CPED1: variants seen among roughly 807,000 people sequenced by gnomAD.
CPED1 encodes cadherin like and PC-esterase domain containing 1, also known as cadherin-like and PC-esterase domain-containing protein 1.
CPED1 carries 114 observed loss-of-function variants against 128.2 expected under a neutral mutation model. The ratio of observed to expected loss-of-function variants is 0.89; its 90% CI spans 0.76 to 1.04. The LOEUF (loss-of-function observed/expected upper bound fraction) is 1.04, where lower values mean the gene tolerates loss of function less well. CPED1 is among the 50% of genes least tolerant of loss of function. The probability of loss-of-function intolerance (pLI) is 0.00; values close to 1 mark genes in which losing one functional copy is unlikely to be tolerated. For synonymous variants in CPED1, 462 were observed against 426.7 expected (o/e 1.08, Z -1.02); for missense variants, 1,211 against 1,207.1 (o/e 1.00, Z -0.05).
chr7:121,016,989 G>T (rs1036409405), intron 3 of CPED1, among the ~76,000 whole-genome samples: 1 of 152,146 alleles, frequency 6.6e-6, no homozygotes, highest in African/African-American at 2.4e-5. Context: ...TTGTGCTGGC[G>T]AATGAATGAA....
chr7:121,173,866 C>A (rs67991850), intron 16 of CPED1, among the ~76,000 whole-genome samples: 1 of 151,792 alleles, frequency 6.6e-6, no homozygotes. Flanking sequence ...ATAAATGTTC[C>A]TTTTTTGCCG....
chr7:121,115,003 G>A (rs927303605), intron 7 of CPED1, among the ~76,000 whole-genome samples: 3 of 152,186 alleles, frequency 2.0e-5, no homozygotes, highest in African/African-American at 4.8e-5. Flanking sequence ...TTCAAGATAA[G>A]TTCAGCTACA....
chr7:121,262,660 T>C (rs1175256274), intron 18 of CPED1, among the ~76,000 whole-genome samples: 2 of 152,130 alleles, frequency 1.3e-5, no homozygotes, highest in Non-Finnish European at 2.9e-5. Context: ...TGCCTAGTCA[T>C]AAATATTTGT....
chr7:120,989,456 A>G lies in CPED1; in HGVS notation c.-166A>G, dbSNP rs146633346. ...TAAAAGCCTCAGACTTTCGGGACCT[A>G]TGATTCTTTGGCACAACCTTTTGGA... On this transcript the variant is annotated 5_prime_UTR_variant, in exon 2 of 23. It removes an upstream start codon present in the reference 5' UTR. Transcript: ENST00000310396. The G allele has an allele frequency of 3.6e-5, 29 of 796,466 alleles. No individual in the cohort carries two copies. Among genetic ancestry groups the G allele is most frequent in the South Asian group, 1.1e-4 (6 of 55,120 alleles). 49.3% of individuals were successfully genotyped at this position (796,466 alleles called of 1,614,324 possible).
At chr7:121,129,286 T>C (rs1011220671) in intron 11 of CPED1, among the ~76,000 whole-genome samples, 95 of 76,592 alleles carry the variant, frequency 1.2e-3, no homozygotes, top group Non-Finnish European at 1.8e-3. Flanking sequence ...TGTGTATATA[T>C]GTATATATAT....
At chr7:121,121,493 T>G (rs1164952384) in intron 7 of CPED1, among the ~76,000 whole-genome samples, 1 of 152,214 alleles carries the variant, frequency 6.6e-6, no homozygotes, top group Non-Finnish European at 1.5e-5. Context: ...GGAAGAAAAT[T>G]TATAGTTTAT....
chr7:121,242,849 T>C (rs1251664498), intron 17 of CPED1, among the ~76,000 whole-genome samples: 2 of 152,114 alleles, frequency 1.3e-5, no homozygotes, highest in African/African-American at 4.8e-5. Flanking sequence ...TTCTCTCTCT[T>C]AATATACCTA....
In CPED1 at chr7:121,220,990, T is replaced by C. The variant is rs567507034; in HGVS notation, c.2056-15724T>C. ...ATATCCATCTTTTTTTTATTATACT[T>C]TAAGTTCTAGGGTATAAGTGCACAA... On this transcript the variant is annotated intron_variant, in intron 16 of 22. Transcript: ENST00000310396. Among the ~76,000 whole-genome samples the C allele has an allele frequency of 2.0e-5, 3 of 152,242 alleles. No individual in the cohort carries two copies. In the East Asian group the frequency reaches 5.8e-4, roughly 29 times the overall value.
At chr7:121,075,756 T>C (rs982214605) in intron 5 of CPED1, among the ~76,000 whole-genome samples, 12 of 152,334 alleles carry the variant, frequency 7.9e-5, no homozygotes, top group African/African-American at 2.4e-4. Flanking sequence ...CATTGCATGA[T>C]AGTAAGTGAT....
intron 3 of CPED1, among the ~76,000 whole-genome samples, chr7:121,025,613 C>A (rs1201520951): frequency 6.6e-6 from 1 of 152,058 alleles, no homozygotes; most frequent in Non-Finnish European, 1.5e-5. Flanking sequence ...TTCTTCCAAA[C>A]CCTTTTCCCT....
chr7:121,189,760 T>TTTTATATATATATATATA (rs1472274298), intron 16 of CPED1, among the ~76,000 whole-genome samples: 4 of 47,468 alleles, frequency 8.4e-5, no homozygotes, highest in South Asian at 1.1e-3. Context: ...TTATGAGGTT[T>TTTTATATATATATATATA]TATATATATA....
chr7:121,161,887 AT>A, intron 16 of CPED1, among the ~76,000 whole-genome samples: 1 of 152,338 alleles, frequency 6.6e-6, no homozygotes, highest in South Asian at 2.1e-4. Context: ...TTCAAAAAAA[AT>A]AAAATTATTT....
intron 16 of CPED1, among the ~76,000 whole-genome samples, chr7:121,183,562 A>C (rs1796941394): frequency 6.6e-6 from 1 of 152,198 alleles, no homozygotes; most frequent in Non-Finnish European, 1.5e-5. Flanking sequence ...CAGATCTAAT[A>C]GACCAGGTAA....
intron 4 of CPED1, among the ~76,000 whole-genome samples, chr7:121,060,793 C>T (rs1025672976): frequency 1.3e-5 from 2 of 152,196 alleles, no homozygotes; most frequent in African/African-American, 4.8e-5. Context: ...CCGCTCCGGT[C>T]CCTTTTCACG....
At chr7:121,235,674 T>C (rs188272998) in intron 16 of CPED1, among the ~76,000 whole-genome samples, 5 of 152,248 alleles carry the variant, frequency 3.3e-5, no homozygotes, top group African/African-American at 1.2e-4. Context: ...ACTGGTTCCA[T>C]ATGTGAGTGG....
At chr7:121,214,792 G>T (rs1198902403) in intron 16 of CPED1, among the ~76,000 whole-genome samples, 2 of 151,984 alleles carry the variant, frequency 1.3e-5, no homozygotes, top group African/African-American at 4.8e-5. Context: ...AGTTTTGAAA[G>T]CATTAGCATT....
At chr7:121,197,418 A>G (rs1384375610) in intron 16 of CPED1, among the ~76,000 whole-genome samples, 3 of 152,146 alleles carry the variant, frequency 2.0e-5, no homozygotes, top group Non-Finnish European at 4.4e-5. Context: ...CCAACTGTAC[A>G]TCAAGCACTG....
At chr7:121,219,903 A>AAAAT (rs1407044645) in intron 16 of CPED1, among the ~76,000 whole-genome samples, 1 of 152,074 alleles carries the variant, frequency 6.6e-6, no homozygotes, top group East Asian at 1.9e-4. Flanking sequence ...TTCTGCACAA[A>AAAAT]AAATAGAATA....
At chr7:121,287,820 A>G (rs143551395) in intron 22 of CPED1, among the ~76,000 whole-genome samples, 128 of 152,190 alleles carry the variant, frequency 8.4e-4, no homozygotes, top group African/African-American at 2.9e-3. Context: ...TAAACTTTTG[A>G]TATATTTTTC....
Sources: allele counts gnomAD v4.1 joint callset (sites outside exome capture counted in the v4.1 genomes callset), GRCh38; gene constraint gnomAD v4.1.1; transcripts MANE v1.5; gene names NCBI Gene and HGNC (gene_info 2026-07-23, HGNC 2026-07-21).